Variants in PPFIA2 observed in about 807,000 individuals in gnomAD.
PPFIA2 encodes liprin-alpha-2.
PPFIA2 carries 46 observed loss-of-function variants against 175.5 expected under a neutral mutation model. The observed-to-expected ratio is 0.26, with a 90% confidence interval of 0.21 to 0.34. PPFIA2 has a LOEUF of 0.34. Ranked by LOEUF, PPFIA2 falls within the 10% of genes least tolerant of loss-of-function variation. The pLI is 1.00. For synonymous variants in PPFIA2, 568 were observed against 511.4 expected (o/e 1.11, Z -1.49); for missense variants, 1,179 against 1,506.1 (o/e 0.78, Z 3.60).
chr12:81,691,373 T>C (rs559505329), intron 3 of PPFIA2, among the ~76,000 whole-genome samples: 5 of 152,284 alleles, frequency 3.3e-5, no homozygotes, highest in African/African-American at 9.6e-5. Context: ...AATGTTTCAA[T>C]AAATATGTTG....
At chr12:81,379,384 T>G (rs936937277) in intron 9 of PPFIA2, among the ~76,000 whole-genome samples, 1 of 152,156 alleles carries the variant, frequency 6.6e-6, no homozygotes, top group Admixed American at 6.6e-5. Flanking sequence ...AAAATATAAC[T>G]ACATGTTTCA....
chr12:81,292,234 A>T (rs2137675286), intron 24 of PPFIA2: 1 of 152,248 alleles, frequency 6.6e-6, no homozygotes, highest in African/African-American at 2.4e-5. Context: ...ACTATTTATG[A>T]TGCTTCTCTC....
intron 30 of PPFIA2, among the ~76,000 whole-genome samples, chr12:81,266,734 T>G (rs2037386827): frequency 6.6e-6 from 1 of 152,204 alleles, no homozygotes; most frequent in South Asian, 2.1e-4. Flanking sequence ...GTTTAGTATC[T>G]CTACCTGCTG....
chr12:81,346,292 C>G (rs528679344), intron 18 of PPFIA2, among the ~76,000 whole-genome samples: 4 of 151,758 alleles, frequency 2.6e-5, no homozygotes, highest in African/African-American at 9.7e-5. Flanking sequence ...GTGGAAAAAT[C>G]CAGCTCCATT....
At chr12:81,675,934 C>T (rs924402752) in intron 4 of PPFIA2, among the ~76,000 whole-genome samples, 1 of 152,050 alleles carries the variant, frequency 6.6e-6, no homozygotes, top group South Asian at 2.1e-4. Flanking sequence ...AATTAGATAA[C>T]ACCGTGAGAC....
intron 4 of PPFIA2, among the ~76,000 whole-genome samples, chr12:81,524,263 G>C (rs1316266901): frequency 2.0e-5 from 3 of 152,110 alleles, no homozygotes; most frequent in African/African-American, 7.2e-5. Flanking sequence ...GCACAGAAGA[G>C]CTCTGGTGTG....
At chr12:81,321,311 G>A (rs1386422138) in intron 22 of PPFIA2, among the ~76,000 whole-genome samples, 1 of 152,052 alleles carries the variant, frequency 6.6e-6, no homozygotes, top group Non-Finnish European at 1.5e-5. Context: ...ATGCTGACAT[G>A]TGAAACTGAC....
At chr12:81,407,508 A>AAAATT (rs1465625561) in intron 7 of PPFIA2, among the ~76,000 whole-genome samples, 4 of 151,294 alleles carry the variant, frequency 2.6e-5, no homozygotes, top group African/African-American at 9.7e-5. Flanking sequence ...AAAATAAAAT[A>AAAATT]AAATAAAATA....
intron 3 of PPFIA2, chr12:81,687,406 C>A: frequency 6.6e-6 from 1 of 152,134 alleles, no homozygotes. Context: ...GAAAGCCACC[C>A]CTACCTTGTG....
At chr12:81,550,472 G>A (rs556040878) in intron 4 of PPFIA2, among the ~76,000 whole-genome samples, 1 of 152,090 alleles carries the variant, frequency 6.6e-6, no homozygotes, top group South Asian at 2.1e-4. Context: ...TAGACAGAAG[G>A]TAGGGGATTT....
intron 5 of PPFIA2, among the ~76,000 whole-genome samples, chr12:81,450,440 T>C (rs1386152287): frequency 6.6e-6 from 1 of 152,242 alleles, no homozygotes; most frequent in African/African-American, 2.4e-5. Flanking sequence ...AATGTCCTTT[T>C]GAGAAGTGTC....
In PPFIA2 at chr12:81,368,972, G is replaced by A. The variant is rs980894521; in HGVS notation, c.1351-116C>T. ...TACATCTGTTTTGATTAAAGTGGTG[G>A]AAACATTTTATTCAAGTCAACAGGT... On this transcript the variant is annotated intron_variant, in intron 12 of 32. Transcript: ENST00000549396. 34 of 1,335,382 alleles carry A rather than the reference G, an allele frequency of 2.5e-5. No individual in the cohort carries two copies. The Admixed American group carries it at 7.9e-4, about 31-fold the overall frequency. 82.7% of individuals were successfully genotyped at this position (1,335,382 alleles called of 1,614,324 possible).
At chr12:81,364,572 T>C (rs1172419606) in intron 14 of PPFIA2, among the ~76,000 whole-genome samples, 1 of 151,702 alleles carries the variant, frequency 6.6e-6, no homozygotes, top group Non-Finnish European at 1.5e-5. Context: ...TAATTTTTAT[T>C]TTTGTAAAGA....
intron 28 of PPFIA2, 45 bp downstream of exon 28, chr12:81,277,272 A>G (rs753675633): frequency 2.0e-6 from 3 of 1,486,312 alleles, no homozygotes; most frequent in Non-Finnish European, 2.7e-6. Flanking sequence ...TGAAAGCTAA[A>G]AACCCCAGAA....
intron 4 of PPFIA2, among the ~76,000 whole-genome samples, chr12:81,617,720 C>T (rs959984382): frequency 3.9e-5 from 6 of 152,178 alleles, no homozygotes; most frequent in African/African-American, 1.2e-4. Context: ...ACATGGGTGT[C>T]GTTGCAGTTC....
intron 3 of PPFIA2, among the ~76,000 whole-genome samples, chr12:81,751,657 C>T (rs2083821886): frequency 6.6e-6 from 1 of 151,646 alleles, no homozygotes; most frequent in Admixed American, 6.6e-5. Flanking sequence ...CAAAACATAA[C>T]TGGTCCCAAG....
intron 21 of PPFIA2, among the ~76,000 whole-genome samples, chr12:81,334,797 G>A (rs1470340006): frequency 6.6e-6 from 1 of 152,094 alleles, no homozygotes; most frequent in East Asian, 1.9e-4. Flanking sequence ...GCTTTTACAT[G>A]TCGATGCCAC....
chr12:81,686,574 ACTT>A (rs2074449157), intron 3 of PPFIA2, among the ~76,000 whole-genome samples: 1 of 152,008 alleles, frequency 6.6e-6, no homozygotes, highest in African/African-American at 2.4e-5. Flanking sequence ...CTGTTTTCCA[ACTT>A]TTCCACACTG....
intron 4 of PPFIA2, among the ~76,000 whole-genome samples, chr12:81,566,549 A>G (rs1309247316): frequency 4.0e-5 from 6 of 151,124 alleles, no homozygotes; most frequent in South Asian, 2.1e-4. Context: ...AAAAAAAAAA[A>G]AAAGAAAAGA....
Sources: allele counts gnomAD v4.1 joint callset (sites outside exome capture counted in the v4.1 genomes callset), GRCh38; gene constraint gnomAD v4.1.1; transcripts MANE v1.5; gene names NCBI Gene and HGNC (gene_info 2026-07-23, HGNC 2026-07-21).